DMD: variants seen among roughly 807,000 people sequenced by gnomAD.
The protein encoded by DMD is mutant dystrophin.
Under a neutral mutation model 330.1 loss-of-function variants are expected in DMD, and 63 were observed. That is an observed-to-expected ratio of 0.19 (90% CI 0.16 to 0.24). The LOEUF (loss-of-function observed/expected upper bound fraction) is 0.24. Ranked by LOEUF, DMD falls within the 10% of genes least tolerant of loss-of-function variation. The pLI, the probability that DMD is intolerant of heterozygous loss-of-function variation, is 1.00. For synonymous variants in DMD, 1,223 were observed against 959.8 expected (o/e 1.27, Z -5.07); for missense variants, 3,344 against 2,684.1 (o/e 1.25, Z -5.43).
chrX:31,323,777 G>A, intron 61 of DMD, 119 bp from the exon 62 acceptor site: 1 of 666,145 alleles, frequency 1.5e-6, no homozygotes, highest in South Asian at 2.4e-5. Flanking sequence ...TTGCTCAGCT[G>A]CCCATGAAGA....
intron 7 of DMD, among the ~76,000 whole-genome samples, chrX:32,748,140 C>G (rs774947232): frequency 4.6e-4 from 51 of 109,761 alleles, no homozygotes; most frequent in African/African-American, 1.6e-3. Context: ...GACAGAAGTA[C>G]GAGACCAGCC....
At chrX:32,457,217 A>G (rs745915063) in intron 25 of DMD, among the ~76,000 whole-genome samples, 3 of 110,769 alleles carry the variant, frequency 2.7e-5, no homozygotes, top group Non-Finnish European at 3.8e-5. Flanking sequence ...TTAGCGATTT[A>G]GTAATACGAA....
chrX:31,266,846 C>T, intron 62 of DMD: 1 of 1,205,018 alleles, frequency 8.3e-7, no homozygotes, highest in Non-Finnish European at 1.1e-6. Flanking sequence ...AAGGGCTCCG[C>T]GGTCGAGTGT....
intron 7 of DMD, among the ~76,000 whole-genome samples, chrX:32,720,707 T>C (rs1366714498): frequency 8.9e-6 from 1 of 111,927 alleles, no homozygotes; most frequent in African/African-American, 3.2e-5. Flanking sequence ...ACATTTTAAC[T>C]AGCTAGATCA....
chrX:32,085,556 C>T (rs1330348295), intron 44 of DMD, among the ~76,000 whole-genome samples: 1 of 93,225 alleles, frequency 1.1e-5, no homozygotes, highest in African/African-American at 3.8e-5. Flanking sequence ...CTTTCTGCTT[C>T]TGAGTTGTTT....
In DMD at chrX:31,434,425, CACACACACACACA is replaced by C. The variant is rs1275666331; in HGVS notation, c.9084+10043_9084+10055del. On this transcript the variant is annotated intron_variant, in intron 60 of 78. Transcript: ENST00000357033. ...CCTTACTGCAGCGCGCGCGCACACA[CACACACACACACA>C]CACACACACACACACACACACACAC... 2.0e-3 allele frequency among the ~76,000 whole-genome samples: 106 copies of C among 52,230 alleles called. 2 individuals carry two copies. The highest frequency in any genetic ancestry group is 0.013 in the African/African-American group (104 of 7,783). 45.4% of individuals were successfully genotyped at this position (52,230 alleles called of 115,157 possible). A position where few individuals can be genotyped will look rare whatever the true frequency, so the allele number is the denominator to read the frequency against.
At chrX:33,304,281 T>A (rs2053717379) in intron 1 of DMD, among the ~76,000 whole-genome samples, 1 of 110,649 alleles carries the variant, frequency 9.0e-6, no homozygotes, top group Non-Finnish European at 1.9e-5. Flanking sequence ...AACTATCTGA[T>A]CTTTGACAAA....
chrX:32,648,396 G>A (rs1428006330), intron 9 of DMD, among the ~76,000 whole-genome samples: 1 of 111,762 alleles, frequency 8.9e-6, no homozygotes, highest in East Asian at 2.8e-4. Context: ...CAAATTGTAA[G>A]TCAGAATCCA....
chrX:33,142,606 C>T (rs913929194), intron 1 of DMD, among the ~76,000 whole-genome samples: 5 of 111,977 alleles, frequency 4.5e-5, no homozygotes, highest in African/African-American at 1.6e-4. Context: ...CTGAATAGTT[C>T]ACAGCCTCCC....
intron 2 of DMD, among the ~76,000 whole-genome samples, chrX:33,009,420 GTGTA>G (rs1199374440): frequency 1.1e-5 from 1 of 87,226 alleles, no homozygotes; most frequent in Non-Finnish European, 2.2e-5. Context: ...ATACACATGT[GTGTA>G]TATGTATGTG....
chrX:31,640,343 A>T (rs1260410873), intron 54 of DMD, among the ~76,000 whole-genome samples: 1 of 112,448 alleles, frequency 8.9e-6, no homozygotes, highest in Non-Finnish European at 1.9e-5. Flanking sequence ...GGAAGGAGCA[A>T]ATCAGCTTTT....
At chrX:31,925,362 G>A (rs1031421131) in intron 47 of DMD, among the ~76,000 whole-genome samples, 1 of 110,929 alleles carries the variant, frequency 9.0e-6, no homozygotes, top group African/African-American at 3.3e-5. Context: ...AATAAAGAAT[G>A]ATAAAGCATA....
chrX:32,164,794 TC>T (rs77592814), intron 44 of DMD, among the ~76,000 whole-genome samples: 27,778 of 104,207 alleles, frequency 0.27, 2,961 homozygotes, highest in Admixed American at 0.44. Context: ...GTGGACCAGG[TC>T]CCCCCCCCAA....
chrX:32,328,177 A>C (rs994118112), intron 41 of DMD, among the ~76,000 whole-genome samples: 2 of 111,684 alleles, frequency 1.8e-5, no homozygotes, highest in African/African-American at 3.2e-5. Flanking sequence ...ATTGTTTACA[A>C]TTATGAAAAG....
chrX:31,399,118 G>A (rs1042088596), intron 60 of DMD, among the ~76,000 whole-genome samples: 8 of 110,959 alleles, frequency 7.2e-5, no homozygotes, highest in South Asian at 3.9e-4. Flanking sequence ...TCACCCACAC[G>A]CATGGCACCC....
chrX:33,278,023 T>C (rs1398849466), intron 1 of DMD, among the ~76,000 whole-genome samples: 5 of 110,676 alleles, frequency 4.5e-5, no homozygotes, highest in Non-Finnish European at 9.4e-5. Context: ...GAGTATTACT[T>C]GAGCCCAGGA....
At chrX:33,166,854 G>T (rs183320349) in intron 1 of DMD, among the ~76,000 whole-genome samples, 1 of 109,669 alleles carries the variant, frequency 9.1e-6, no homozygotes, top group African/African-American at 3.3e-5. Context: ...CCTTTTACTA[G>T]TCTATCAAAT....
intron 7 of DMD, among the ~76,000 whole-genome samples, chrX:32,768,247 A>G (rs149808459): frequency 0.019 from 2,172 of 112,331 alleles, 57 homozygotes; most frequent in African/African-American, 0.067. Context: ...CAAGACTGAA[A>G]TTAGATTTCC....
intron 47 of DMD, among the ~76,000 whole-genome samples, chrX:31,899,013 G>A (rs915623643): frequency 8.9e-6 from 1 of 111,899 alleles, no homozygotes; most frequent in African/African-American, 3.2e-5. Flanking sequence ...CAATGAATAT[G>A]TATGAAACAC....
Sources: allele counts gnomAD v4.1 joint callset (sites outside exome capture counted in the v4.1 genomes callset), GRCh38; gene constraint gnomAD v4.1.1; transcripts MANE v1.5; gene names NCBI Gene and HGNC (gene_info 2026-07-23, HGNC 2026-07-21).